Variants in PRKAA2 observed in about 807,000 individuals in gnomAD.
PRKAA2 encodes protein kinase AMP-activated catalytic subunit alpha 2.
In PRKAA2, 40 loss-of-function variants were observed where a neutral mutation model predicts 56.3. The observed-to-expected ratio is 0.71, with a 90% CI of 0.55 to 0.92. The LOEUF is 0.92. Among genes scored for constraint, PRKAA2 ranks in the 40% least tolerant of loss-of-function variants. The pLI, the probability that PRKAA2 is intolerant of heterozygous loss-of-function variation, is 0.00. For missense variants in PRKAA2, 542 were observed against 686.9 expected (o/e 0.79, Z 2.36); for synonymous variants, 214 against 234.2 (o/e 0.91, Z 0.79).
intron 1 of PRKAA2, chr1:56,671,392 A>G (rs1050216921): frequency 2.0e-5 from 3 of 152,216 alleles, no homozygotes; most frequent in South Asian, 2.1e-4. Context: ...ATTCCCAAAG[A>G]TGAGTAATAA....
chr1:56,696,337 T>G (rs1259748133), intron 6 of PRKAA2, among the ~76,000 whole-genome samples, 178 bp downstream of exon 6: 1 of 152,172 alleles, frequency 6.6e-6, no homozygotes, highest in Non-Finnish European at 1.5e-5. Context: ...TGCCTTCATG[T>G]CTTTGTTTAT....
At chr1:56,672,686 G>A (rs6688263) in intron 1 of PRKAA2, among the ~76,000 whole-genome samples, 52,676 of 152,024 alleles carry the variant, frequency 0.35, 9,396 homozygotes, top group Admixed American at 0.48. Context: ...AAGAGGTATG[G>A]TGTCTGATGA....
chr1:56,712,116 G>A lies in PRKAA2; in HGVS notation c.*4403G>A, dbSNP rs857147. 69,876 of 151,878 alleles carry A rather than the reference G, an allele frequency of 0.46. 16,469 individuals are homozygous for A. Among genetic ancestry groups the A allele is most frequent in the East Asian group, 0.59 (3,039 of 5,154 alleles). 9.4% of individuals were successfully genotyped at this position (151,878 alleles called of 1,614,324 possible). A position where few individuals can be genotyped will look rare whatever the true frequency, so the allele number is the denominator to read the frequency against. On this transcript the variant is annotated 3_prime_UTR_variant, in exon 9 of 9. Transcript: ENST00000371244. ...CTTCATATTGTTTACTTACTATTAC[G>A]ATAACTTTGAGAGGTAACCAGAGAA... is the stretch of plus-strand genomic sequence containing the variant.
chr1:56,668,147 T>G (rs924048181), intron 1 of PRKAA2, among the ~76,000 whole-genome samples: 2 of 151,962 alleles, frequency 1.3e-5, no homozygotes, highest in Non-Finnish European at 1.5e-5. Flanking sequence ...AAAAAGTAGC[T>G]TAAAAACAAA....
intron 4 of PRKAA2, 127 bp downstream of exon 4, chr1:56,692,629 T>G (rs1190461668): frequency 7.0e-6 from 6 of 857,976 alleles, no homozygotes; most frequent in African/African-American, 3.6e-5. Context: ...AGCTGAAATC[T>G]CCTCAGTAGC....
chr1:56,703,823 C>T, intron 6 of PRKAA2, 148 bp from the exon 7 acceptor site: 1 of 821,088 alleles, frequency 1.2e-6, no homozygotes, highest in Non-Finnish European at 1.8e-6. Context: ...GGGTAATTAA[C>T]TTGCTCAGGA....
chr1:56,680,128 AG>A (rs1364570394), intron 2 of PRKAA2, among the ~76,000 whole-genome samples: 1 of 152,162 alleles, frequency 6.6e-6, no homozygotes. Flanking sequence ...TTTGATGCAC[AG>A]GGGTTGACAC....
At chr1:56,662,166 G>A (rs2796528) in intron 1 of PRKAA2, among the ~76,000 whole-genome samples, 33,587 of 151,744 alleles carry the variant, frequency 0.22, 4,305 homozygotes, top group South Asian at 0.46. Context: ...GTCATTTGTC[G>A]TTCAAAATAA....
At chr1:56,692,304 G>A in intron 3 of PRKAA2, 54 bp from the exon 4 acceptor site, 1 of 1,606,908 alleles carries the variant, frequency 6.2e-7, no homozygotes, top group South Asian at 1.1e-5. Flanking sequence ...ACAGGCATGA[G>A]CCACTGTGCC....
intron 7 of PRKAA2, among the ~76,000 whole-genome samples, chr1:56,705,618 T>G (rs908188038): frequency 6.6e-6 from 1 of 152,182 alleles, no homozygotes; most frequent in Non-Finnish European, 1.5e-5. Context: ...CAGGCTGGTC[T>G]CAAGCTCCAG....
intron 1 of PRKAA2, among the ~76,000 whole-genome samples, chr1:56,657,554 T>C (rs1207857108): frequency 6.6e-6 from 1 of 151,994 alleles, no homozygotes; most frequent in Non-Finnish European, 1.5e-5. Context: ...CACACATCTG[T>C]AATCCCAGCT....
intron 1 of PRKAA2, among the ~76,000 whole-genome samples, chr1:56,660,455 T>A (rs2100389451): frequency 6.6e-6 from 1 of 152,280 alleles, no homozygotes; most frequent in Non-Finnish European, 1.5e-5. Context: ...GCCACAGCCC[T>A]ACCCCAGCCT....
intron 1 of PRKAA2, among the ~76,000 whole-genome samples, chr1:56,666,975 G>A (rs541743808): frequency 1.1e-4 from 16 of 152,152 alleles, no homozygotes; most frequent in African/African-American, 3.1e-4. Context: ...CAACACCATC[G>A]TACAAAATTC....
At chr1:56,703,000 G>A (rs541617463) in intron 6 of PRKAA2, among the ~76,000 whole-genome samples, 1 of 152,314 alleles carries the variant, frequency 6.6e-6, no homozygotes, top group South Asian at 2.1e-4. Context: ...CATTCAGTCA[G>A]AATATATCTT....
At position 56,672,189 on chromosome 1, in the gene PRKAA2, G is replaced by A. The variant is rs6685343; in HGVS notation, c.95-2192G>A. On this transcript the variant is annotated intron_variant, in intron 1 of 8. Coordinates refer to ENST00000371244, the MANE Select transcript of PRKAA2 (RefSeq NM_006252.4). ...CTGTATTGCAGTGGCACCATCTTGG[G>A]TTACTACAACCTCCGCCTCCCAGGC... Among the ~76,000 whole-genome samples the A allele has an allele frequency of 4.4e-3, 666 of 152,066 alleles. 3 individuals carry two copies. The highest frequency in any genetic ancestry group is 0.016 in the African/African-American group (649 of 41,506).
chr1:56,653,333 C>T (rs1643916019), intron 1 of PRKAA2, among the ~76,000 whole-genome samples: 2 of 150,786 alleles, frequency 1.3e-5, no homozygotes, highest in African/African-American at 4.9e-5. Context: ...GGATTTTGTT[C>T]ATTTGGTGTA....
In PRKAA2 at chr1:56,693,858, A is replaced by T. The variant is rs1466395182; in HGVS notation, c.563+6A>T. The T allele has an allele frequency of 1.3e-6, 2 of 1,565,414 alleles. No homozygotes were observed. The highest frequency in any genetic ancestry group is 8.8e-7 in the Non-Finnish European group (1 of 1,142,546). ...CCTGAAGTCATCTCAGGCAGGTAAT[A>T]ATCAGTGAAGCATAAGCTTTTTGTA... On this transcript the variant is annotated splice_donor_region_variant and intron_variant, in intron 5 of 8. Coordinates refer to ENST00000371244, the MANE Select transcript of PRKAA2 (RefSeq NM_006252.4).
chr1:56,701,123 T>C (rs538774524), intron 6 of PRKAA2, among the ~76,000 whole-genome samples: 81 of 152,332 alleles, frequency 5.3e-4, no homozygotes, highest in Middle Eastern at 3.4e-3. Context: ...TGGTATTTTA[T>C]TGTTTTATGG....
At position 56,649,630 on chromosome 1, in the gene PRKAA2, C is replaced by T. The variant is rs539980173; in HGVS notation, c.94+4149C>T. ...ACATTTTATGTGCTTTCTCTCTTGA[C>T]TTTTTTCCTTTTTCTTATTTGTTTA... On this transcript the variant is annotated intron_variant, in intron 1 of 8. Coordinates refer to ENST00000371244, the MANE Select transcript of PRKAA2 (RefSeq NM_006252.4). 4.6e-5 allele frequency among the ~76,000 whole-genome samples: 7 copies of T among 152,222 alleles called. No homozygotes were observed. In the East Asian group the frequency reaches 1.4e-3, roughly 29 times the overall value.
Sources: gnomAD v4.1 joint callset for allele counts (sites outside exome capture counted in the v4.1 genomes callset) on GRCh38, gnomAD v4.1.1 for gene constraint, MANE v1.5 for transcripts, NCBI Gene and HGNC (gene_info 2026-07-23, HGNC 2026-07-21) for gene names.